The following EYS variants were observed in gnomAD, a reference collection of about 807,000 sequenced individuals.
The protein encoded by EYS is EGF-like photoreceptor maintenance factor, also known as protein eyes shut homolog.
Under a neutral mutation model 282.1 loss-of-function variants are expected in EYS, and 250 were observed. The observed-to-expected ratio is 0.89, with a 90% CI of 0.80 to 0.98. The LOEUF (loss-of-function observed/expected upper bound fraction) is 0.98, where lower values mean the gene tolerates loss of function less well. Ranked by LOEUF, EYS falls within the 50% of genes least tolerant of loss-of-function variation. EYS has a pLI of 0.00. For synonymous variants in EYS, 1,355 were observed against 1,282.9 expected, an observed-to-expected ratio of 1.06 and a Z score of -1.20; for missense variants, 4,016 against 3,709.0, an observed-to-expected ratio of 1.08 and a Z score of -2.15.
rs151081675 is a variant in EYS, at chr6:65,118,401, T to G, written c.2024-60674A>C. On this transcript the variant is annotated intron_variant, in intron 12 of 42. Transcript: ENST00000503581. ...TGGTGTATTTTGTAAAGTTAAATAC[T>G]TCTCTTGTTAATTATGTCTGTTTAG... 1.1e-4 allele frequency among the ~76,000 whole-genome samples: 16 copies of G among 152,360 alleles called. No homozygotes were observed. In the East Asian group the frequency reaches 3.1e-3, roughly 29 times the overall value.
At chr6:64,446,316 C>T (rs758515463) in intron 26 of EYS, among the ~76,000 whole-genome samples, 33 of 152,116 alleles carry the variant, frequency 2.2e-4, no homozygotes, top group Admixed American at 5.9e-4. Context: ...ATGAACCTTC[C>T]CTCTCTACTG....
At chr6:65,359,247 A>G (rs1764607488) in intron 8 of EYS, among the ~76,000 whole-genome samples, 1 of 152,096 alleles carries the variant, frequency 6.6e-6, no homozygotes, top group Admixed American at 6.6e-5. Context: ...CATCAGAAAT[A>G]AGCAAATTTT....
intron 14 of EYS, among the ~76,000 whole-genome samples, chr6:64,992,259 T>C (rs996062221): frequency 2.0e-5 from 3 of 151,892 alleles, no homozygotes; most frequent in Non-Finnish European, 4.4e-5. Flanking sequence ...AGTAAACTTG[T>C]ATGAATACTA....
chr6:64,892,545 C>A (rs1035187298), intron 18 of EYS, among the ~76,000 whole-genome samples: 1 of 151,908 alleles, frequency 6.6e-6, no homozygotes, highest in African/African-American at 2.4e-5. Context: ...AGCATTTCTA[C>A]TTTTTTCTTG....
intron 22 of EYS, among the ~76,000 whole-genome samples, chr6:64,739,257 C>T (rs1310393353): frequency 6.6e-6 from 1 of 152,138 alleles, no homozygotes; most frequent in Non-Finnish European, 1.5e-5. Flanking sequence ...ACTATTCACT[C>T]ACATTAAGAA....
At chr6:64,121,821 T>G (rs1773598473) in intron 31 of EYS, among the ~76,000 whole-genome samples, 1 of 152,188 alleles carries the variant, frequency 6.6e-6, no homozygotes, top group South Asian at 2.1e-4. Context: ...TTTTCTACTT[T>G]GCAGCATTAT....
At chr6:65,048,744 C>T (rs1295583993) in intron 13 of EYS, among the ~76,000 whole-genome samples, 1 of 151,800 alleles carries the variant, frequency 6.6e-6, no homozygotes, top group Non-Finnish European at 1.5e-5. Flanking sequence ...ACTCCTGTTT[C>T]CCTAAAGCAA....
At chr6:65,198,447 A>G (rs573754890) in intron 12 of EYS, among the ~76,000 whole-genome samples, 1 of 152,280 alleles carries the variant, frequency 6.6e-6, no homozygotes, top group African/African-American at 2.4e-5. Context: ...AGTATTGTGT[A>G]CTTTGCAGAA....
At chr6:64,667,484 AT>A (rs770592127) in intron 22 of EYS, among the ~76,000 whole-genome samples, 1 of 151,190 alleles carries the variant, frequency 6.6e-6, no homozygotes, top group East Asian at 1.9e-4. Flanking sequence ...TTAAATAGTT[AT>A]TTTAAAAGAT....
intron 35 of EYS, among the ~76,000 whole-genome samples, chr6:63,925,279 T>C (rs567170370): frequency 2.0e-5 from 3 of 152,320 alleles, no homozygotes; most frequent in Admixed American, 2.0e-4. Context: ...TTACTGGTAT[T>C]CTTCAGCTCT....
At chr6:65,587,895 A>C (rs982066170) in intron 2 of EYS, among the ~76,000 whole-genome samples, 1 of 152,138 alleles carries the variant, frequency 6.6e-6, no homozygotes, top group African/African-American at 2.4e-5. Flanking sequence ...TGAAGTTCCA[A>C]GATTTGAAAT....
intron 2 of EYS, among the ~76,000 whole-genome samples, chr6:65,586,010 T>A (rs1488919520): frequency 1.3e-5 from 2 of 152,002 alleles, no homozygotes; most frequent in Non-Finnish European, 2.9e-5. Context: ...GGAAAATCAA[T>A]ATTTAATTTA....
intron 33 of EYS, among the ~76,000 whole-genome samples, chr6:64,010,129 A>T (rs764151787): frequency 3.9e-5 from 6 of 152,142 alleles, no homozygotes; most frequent in Non-Finnish European, 7.4e-5. Context: ...CTGTGCTGGC[A>T]GGGCTGAGAT....
intron 5 of EYS, among the ~76,000 whole-genome samples, chr6:65,428,865 A>G (rs1272484868): frequency 6.6e-6 from 1 of 152,146 alleles, no homozygotes; most frequent in African/African-American, 2.4e-5. Context: ...TGAGGCACCA[A>G]TATGAAATTG....
intron 35 of EYS, among the ~76,000 whole-genome samples, chr6:63,937,111 A>C (rs1276876607): frequency 6.6e-6 from 1 of 152,134 alleles, no homozygotes; most frequent in Non-Finnish European, 1.5e-5. Context: ...CAGTTTAGCA[A>C]ACATTTTTGA....
intron 22 of EYS, among the ~76,000 whole-genome samples, chr6:64,663,236 A>G (rs550359702): frequency 7.6e-4 from 115 of 152,310 alleles, no homozygotes; most frequent in Non-Finnish European, 1.4e-3. Context: ...CAAAAAAGCC[A>G]TATTCTGACG....
intron 26 of EYS, among the ~76,000 whole-genome samples, chr6:64,536,011 ACT>A (rs968837015): frequency 5.9e-5 from 9 of 152,088 alleles, no homozygotes; most frequent in Admixed American, 2.0e-4. Flanking sequence ...GTTTTATTAG[ACT>A]CTGATGAGAA....
rs376284127 is a variant in EYS at position 64,934,418 on chromosome 6, T to C, written c.2381+11375A>G. On this transcript the variant is annotated intron_variant, in intron 15 of 42. Coordinates refer to ENST00000503581, the MANE Select transcript of EYS (RefSeq NM_001142800.2). ...TTGATCTATACATCCATGAACCTCA[T>C]CAAACTCAAAGTAGAATAAATTGAA... Among the ~76,000 whole-genome samples the C allele has an allele frequency of 1.3e-4, 20 of 151,982 alleles. No individual in the cohort carries two copies. The East Asian group carries it at 3.7e-3, about 28-fold the overall frequency.
chr6:64,841,160 A>G (rs1765552686), intron 19 of EYS, among the ~76,000 whole-genome samples: 2 of 152,154 alleles, frequency 1.3e-5, no homozygotes, highest in Admixed American at 1.3e-4. Context: ...TTGAGAATGC[A>G]TGATGTAGAC....
Sources: gnomAD v4.1 joint callset for allele counts (sites outside exome capture counted in the v4.1 genomes callset) on GRCh38, gnomAD v4.1.1 for gene constraint, MANE v1.5 for transcripts, NCBI Gene and HGNC (gene_info 2026-07-23, HGNC 2026-07-21) for gene names.